Variants in PROKR2 observed in about 807,000 individuals in gnomAD.
PROKR2 encodes the protein prokineticin receptor 2.
In PROKR2, 26 loss-of-function variants were observed where a neutral mutation model predicts 23.4. That is an observed-to-expected ratio of 1.11 (90% CI 0.81 to 1.54). The LOEUF is 1.54. Ranked by LOEUF, PROKR2 falls within the 40% of genes most tolerant of loss-of-function variation. The pLI is 0.00. For missense variants in PROKR2, 453 were observed against 511.5 expected (o/e 0.89, Z 1.10); for synonymous variants, 212 against 201.2 (o/e 1.05, Z -0.45).
At position 5,299,231 on chromosome 20, in the gene PROKR2, T is replaced by A. The variant is rs537846852; in HGVS notation, c.*2809A>T. Among the ~76,000 whole-genome samples, 3 of 152,238 alleles carry A rather than the reference T, an allele frequency of 2.0e-5. No individual in the cohort carries two copies. Among genetic ancestry groups the A allele is most frequent in the Admixed American group, 1.3e-4 (2 of 15,286 alleles). On this transcript the variant is annotated 3_prime_UTR_variant, in exon 3 of 3. Coordinates refer to ENST00000678254, the MANE Select transcript of PROKR2 (RefSeq NM_144773.4). ...GAAACCTGTGACTAAATTCCACATG[T>A]TAATTATTTAATTGGATAACAACAT...
intron 1 of PROKR2, 31 bp from the exon 2 acceptor site, chr20:5,314,408 AGGG>A (rs565392107): frequency 6.9e-5 from 107 of 1,561,186 alleles, no homozygotes; most frequent in Non-Finnish European, 8.8e-5. Context: ...GGGAGGTGCG[AGGG>A]GTGAGGGTCC....
At chr20:5,306,660 C>T (rs1979230737) in intron 2 of PROKR2, among the ~76,000 whole-genome samples, 1 of 152,196 alleles carries the variant, frequency 6.6e-6, no homozygotes, top group Admixed American at 6.5e-5. Context: ...TTTGATATGC[C>T]TATTAATGTG....
chr20:5,308,584 G>A (rs1358805346), intron 2 of PROKR2, among the ~76,000 whole-genome samples: 2 of 152,226 alleles, frequency 1.3e-5, no homozygotes, highest in African/African-American at 2.4e-5. Context: ...ATCTCTGTTC[G>A]GGGCTCTCAG....
chr20:5,313,544 A>C (rs1979521303), intron 2 of PROKR2, among the ~76,000 whole-genome samples: 1 of 152,238 alleles, frequency 6.6e-6, no homozygotes, highest in Admixed American at 6.5e-5. Context: ...GAGGGTGGCT[A>C]CAGGAAAAGC....
chr20:5,306,435 T>A (rs1254998667), intron 2 of PROKR2, among the ~76,000 whole-genome samples: 1 of 152,236 alleles, frequency 6.6e-6, no homozygotes, highest in Non-Finnish European at 1.5e-5. Flanking sequence ...GACTGTTTCT[T>A]TACTATCCCT....
In PROKR2 at chr20:5,302,312, T is replaced by A. The variant is rs754639802; in HGVS notation, c.883A>T (p.Thr295Ser). 3 of 1,614,060 alleles carry A rather than the reference T, an allele frequency of 1.9e-6. No individual in the cohort carries two copies. The highest frequency in any genetic ancestry group is 2.7e-5 in the African/African-American group (2 of 74,930). The change falls in exon 3 of 3, where the codon ACC (threonine) becomes TCC (serine). Residue 295 changes from threonine (T) to serine (S), a missense_variant. Physicochemically the swap from Thr to Ser is moderately conservative, Grantham distance 58. Coordinates refer to ENST00000678254, the MANE Select transcript of PROKR2 (RefSeq NM_144773.4). ...GTGGGGAAGAAGTCACGAACGATGG[T>A]GAAACCGTAGAAGGGTGCCCAGCAC... is the stretch of plus-strand genomic sequence containing the variant. ...VLCWAPFYGFTIVRDFFPTVF... is the reference protein window; with the variant it reads ...VLCWAPFYGFSIVRDFFPTVF...
In PROKR2 at chr20:5,300,642, A is replaced by G. The variant is rs1480610174; in HGVS notation, c.*1398T>C. ...ATCATCGCCATTTCATTAAAGCAAA[A>G]CTGAGACACAGAGAGAAAACATCAT... On this transcript the variant is annotated 3_prime_UTR_variant, in exon 3 of 3. Transcript: ENST00000678254. Among the ~76,000 whole-genome samples the G allele has an allele frequency of 6.6e-6, 1 of 152,230 alleles. No homozygotes were observed. The highest frequency in any genetic ancestry group is 2.4e-5 in the African/African-American group (1 of 41,462).
rs1338891295 is a variant in PROKR2 at position 5,300,248 on chromosome 20, C to A, written c.*1792G>T. Among the ~76,000 whole-genome samples, 1 of 152,164 alleles carries A rather than the reference C, an allele frequency of 6.6e-6. No homozygotes were observed. The highest frequency in any genetic ancestry group is 2.4e-5 in the African/African-American group (1 of 41,436). On this transcript the variant is annotated 3_prime_UTR_variant, in exon 3 of 3. Transcript: ENST00000678254. ...TATGCAGCACTAGGGTGCTATTTTG[C>A]AACATGCAGGGAGGACTGTCAACAC...
At chr20:5,302,783 A>G (rs1357101059) in intron 2 of PROKR2, 47 bp from the exon 3 acceptor site, 27 of 1,469,006 alleles carry the variant, frequency 1.8e-5, no homozygotes, top group Non-Finnish European at 2.6e-5. Flanking sequence ...ATACGTGGAA[A>G]CGTTAGTTTG....
intron 2 of PROKR2, among the ~76,000 whole-genome samples, chr20:5,313,341 TA>T (rs1321489595): frequency 6.6e-6 from 1 of 152,220 alleles, no homozygotes. Flanking sequence ...TATCTTATTT[TA>T]AAATGAGCTC....
At chr20:5,310,022 A>T (rs1979375098) in intron 2 of PROKR2, among the ~76,000 whole-genome samples, 1 of 152,200 alleles carries the variant, frequency 6.6e-6, no homozygotes, top group African/African-American at 2.4e-5. Context: ...TACTTGGATA[A>T]ATCACTTTTG....
At chr20:5,307,181 C>T (rs1276378102) in intron 2 of PROKR2, among the ~76,000 whole-genome samples, 3 of 152,102 alleles carry the variant, frequency 2.0e-5, no homozygotes, top group African/African-American at 7.2e-5. Context: ...ACACAGCCAC[C>T]CACCTGGGGA....
At position 5,316,052 on chromosome 20, in the gene PROKR2, G is replaced by C. The variant is rs758934904; in HGVS notation, c.-9+442C>G. 2.2e-6 allele frequency: 1 copy of C among 456,750 alleles called. No homozygotes were observed. Among genetic ancestry groups the C allele is most frequent in the Admixed American group, 2.3e-5 (1 of 42,588 alleles). 28.3% of individuals were successfully genotyped at this position (456,750 alleles called of 1,614,324 possible). A position where few individuals can be genotyped will look rare whatever the true frequency, so the allele number is the denominator to read the frequency against. ...CCTGGCAAAGACAGGAATCAAGTCAGAAATTCAGGCTCTAGAAGCAAAGGC... is the reference window on the plus strand; with the variant it reads ...CCTGGCAAAGACAGGAATCAAGTCACAAATTCAGGCTCTAGAAGCAAAGGC... On this transcript the variant is annotated intron_variant, in intron 1 of 2. Transcript: ENST00000678254. The surrounding 1 kb of genome is among the most constrained non-coding windows in gnomAD (Gnocchi z 5.0).
intron 1 of PROKR2, among the ~76,000 whole-genome samples, chr20:5,315,085 C>T (rs995232293): frequency 6.6e-6 from 1 of 152,120 alleles, no homozygotes; most frequent in Non-Finnish European, 1.5e-5. Context: ...AAACCAAATT[C>T]CTGCTGCCCA....
chr20:5,301,351 G>A lies in PROKR2; in HGVS notation c.*689C>T, dbSNP rs933092843. Among the ~76,000 whole-genome samples, 5 of 152,174 alleles carry A rather than the reference G, an allele frequency of 3.3e-5. No individual in the cohort carries two copies. Among genetic ancestry groups the A allele is most frequent in the African/African-American group, 9.7e-5 (4 of 41,444 alleles). On this transcript the variant is annotated 3_prime_UTR_variant, in exon 3 of 3. Coordinates refer to ENST00000678254, the MANE Select transcript of PROKR2 (RefSeq NM_144773.4). Reference sequence around the variant, plus strand: ...AGGTTCAAGCTATTCTCCTGCTTCAGCCTCCTGAGTAACTGGGATTACAGG... The same window carrying A: ...AGGTTCAAGCTATTCTCCTGCTTCAACCTCCTGAGTAACTGGGATTACAGG...
intron 1 of PROKR2, among the ~76,000 whole-genome samples, 190 bp from the exon 2 acceptor site, chr20:5,314,567 C>T (rs1979584211): frequency 6.6e-6 from 1 of 152,176 alleles, no homozygotes; most frequent in Admixed American, 6.5e-5. Flanking sequence ...CTGAGTTCCC[C>T]AAGTATAGGC....
At chr20:5,303,537 C>T (rs1212542432) in intron 2 of PROKR2, among the ~76,000 whole-genome samples, 1 of 152,144 alleles carries the variant, frequency 6.6e-6, no homozygotes, top group Admixed American at 6.5e-5. Context: ...TTATCCTTGC[C>T]CTTTCCAATG....
Position 5,302,610 on chromosome 20 carries a change from C to G in PROKR2, c.585G>C (p.Thr195=), listed in dbSNP as rs3746682. 1,208,121 of 1,613,922 alleles carry G rather than the reference C, an allele frequency of 0.75. 453,028 individuals carry two copies. The highest frequency in any genetic ancestry group is 0.8 in the Middle Eastern group (4,834 of 6,060). The part of the protein sequence containing the change: ...AIPSAYFATE[T]VLFIVKSQEK... ...CCTGGCTCTTGACAATAAAGAGGACCGTTTCTGTTGCAAAGTAAGCCGATG... is the reference window on the plus strand; with the variant it reads ...CCTGGCTCTTGACAATAAAGAGGACGGTTTCTGTTGCAAAGTAAGCCGATG... The change falls in exon 3 of 3, where the codon ACG becomes ACC. Residue 195 remains threonine, a synonymous_variant. Coordinates refer to ENST00000678254, the MANE Select transcript of PROKR2 (RefSeq NM_144773.4).
chr20:5,300,681 G>A lies in PROKR2; in HGVS notation c.*1359C>T, dbSNP rs8115341. Among the ~76,000 whole-genome samples the A allele has an allele frequency of 0.45, 68,471 of 152,020 alleles. 15,715 individuals carry two copies. The highest frequency in any genetic ancestry group is 0.54 in the South Asian group (2,579 of 4,816). ...AGAAAACATCATGAATTTAGGACTT[G>A]AGTCTTAGAGTTAGGACCTGAACCC... is the stretch of plus-strand genomic sequence containing the variant. On this transcript the variant is annotated 3_prime_UTR_variant, in exon 3 of 3. Transcript: ENST00000678254.
Sources: allele counts gnomAD v4.1 joint callset (sites outside exome capture counted in the v4.1 genomes callset), GRCh38; gene constraint gnomAD v4.1.1; non-coding constraint Gnocchi (gnomAD v3.1); transcripts MANE v1.5; gene names NCBI Gene and HGNC (gene_info 2026-07-23, HGNC 2026-07-21).